The following RPS6KA3 variants were observed in gnomAD, a reference collection of about 807,000 sequenced individuals.
RPS6KA3 encodes the protein ribosomal protein S6 kinase alpha-3.
RPS6KA3 carries 4 observed loss-of-function variants against 67.2 expected under a neutral mutation model. The ratio of observed to expected loss-of-function variants is 0.06; its 90% CI spans 0.03 to 0.14. RPS6KA3 has a LOEUF of 0.14. Ranked by LOEUF, RPS6KA3 falls within the 10% of genes least tolerant of loss-of-function variation. RPS6KA3 has a pLI of 1.00. For synonymous variants in RPS6KA3, 182 were observed against 183.7 expected (o/e 0.99, Z 0.07); for missense variants, 204 against 559.0 (o/e 0.36, Z 6.40).
At chrX:20,266,992 C>T (rs1233570054), upstream of RPS6KA3, 2 of 751,869 alleles carry the variant, frequency 2.7e-6, no homozygotes, top group Non-Finnish European at 3.1e-6. Flanking sequence ...ACAGCGACCG[C>T]CGCGCGCTCC....
At chrX:20,198,491 A>AACTT (rs1177932182) in intron 4 of RPS6KA3, among the ~76,000 whole-genome samples, 1 of 112,236 alleles carries the variant, frequency 8.9e-6, no homozygotes, top group Non-Finnish European at 1.9e-5. Context: ...AACAGAAGAT[A>AACTT]ACTTAAACAC....
At chrX:20,186,046 TCTCCCAC>T (rs2067972382) in intron 10 of RPS6KA3, among the ~76,000 whole-genome samples, 1 of 111,044 alleles carries the variant, frequency 9.0e-6, no homozygotes, top group South Asian at 3.8e-4. Flanking sequence ...TTCAAGGGAT[TCTCCCAC>T]CTCAGCCTCC....
At chrX:20,236,227 A>G (rs987322821) in intron 1 of RPS6KA3, among the ~76,000 whole-genome samples, 1 of 111,980 alleles carries the variant, frequency 8.9e-6, no homozygotes, top group Non-Finnish European at 1.9e-5. Context: ...GCTTATTTGA[A>G]TATTCTAATG....
intron 2 of RPS6KA3, among the ~76,000 whole-genome samples, chrX:20,221,967 G>A (rs925616062): frequency 2.7e-5 from 3 of 112,790 alleles, no homozygotes; most frequent in Non-Finnish European, 5.6e-5. Flanking sequence ...ACTACAGCCA[G>A]GCCTGGCCAG....
intron 18 of RPS6KA3, among the ~76,000 whole-genome samples, chrX:20,163,809 C>T (rs1319146911): frequency 1.8e-5 from 2 of 111,303 alleles, no homozygotes; most frequent in African/African-American, 6.5e-5. Context: ...GCTGGGATTA[C>T]AGGCATGTGC....
chrX:20,166,713 CTTT>C (rs774405280), intron 17 of RPS6KA3, among the ~76,000 whole-genome samples: 1 of 81,385 alleles, frequency 1.2e-5, no homozygotes, highest in African/African-American at 5.2e-5. Flanking sequence ...GACTTCCCTT[CTTT>C]TTTTTTTTTT....
At chrX:20,194,911 C>G (rs1046194175) in intron 5 of RPS6KA3, among the ~76,000 whole-genome samples, 154 bp downstream of exon 5, 2 of 110,952 alleles carry the variant, frequency 1.8e-5, no homozygotes, top group Non-Finnish European at 3.8e-5. Context: ...TAAAGTTTGT[C>G]TAAGAAATAA....
intron 1 of RPS6KA3, among the ~76,000 whole-genome samples, chrX:20,240,285 CTTTTTTTTTTTT>C (rs778713587): frequency 1.7e-4 from 9 of 54,364 alleles, no homozygotes; most frequent in Admixed American, 8.9e-4. Context: ...AAGGACCATA[CTTTTTTTTTTTT>C]TTTTTTTTTT....
chrX:20,169,685 A>T, intron 15 of RPS6KA3, 194 bp from the exon 16 acceptor site: 1 of 489,355 alleles, frequency 2.0e-6, no homozygotes, highest in Non-Finnish European at 3.7e-6. Flanking sequence ...GCAAGGCTGT[A>T]AATTCTAACT....
intron 13 of RPS6KA3, among the ~76,000 whole-genome samples, chrX:20,175,761 C>T (rs778967901): frequency 8.9e-6 from 1 of 111,829 alleles, no homozygotes; most frequent in African/African-American, 3.2e-5. Flanking sequence ...ATATTAGAAA[C>T]TGCAGCCCTC....
chrX:20,155,021 T>C lies in RPS6KA3; in HGVS notation c.*377A>G. The C allele has an allele frequency of 4.1e-6, 1 of 243,743 alleles. No homozygotes were observed. The highest frequency in any genetic ancestry group is 4.7e-5 in the South Asian group (1 of 21,303). The allele number at this position is 243,743 out of a possible 1,213,427, so 20.1% of individuals were successfully genotyped here. ...TTTAAGCTAAGTGCTTAACATAAAC[T>C]GTCCATCCCTATAACTAACAAAGAA... is the stretch of plus-strand genomic sequence containing the variant. On this transcript the variant is annotated 3_prime_UTR_variant, in exon 22 of 22. Transcript: ENST00000379565.
chrX:20,166,713 CTTTTT>C (rs774405280), intron 17 of RPS6KA3, among the ~76,000 whole-genome samples: 26 of 81,410 alleles, frequency 3.2e-4, no homozygotes, highest in Non-Finnish European at 5.5e-4. Flanking sequence ...GACTTCCCTT[CTTTTT>C]TTTTTTTTTT....
chrX:20,191,091 A>G (rs1004477613), intron 7 of RPS6KA3, among the ~76,000 whole-genome samples: 1 of 109,562 alleles, frequency 9.1e-6, no homozygotes, highest in African/African-American at 3.3e-5. Flanking sequence ...TCATTGTTCA[A>G]CTCCCACTTA....
intron 13 of RPS6KA3, 43 bp downstream of exon 13, chrX:20,176,206 CA>C (rs1308990196): frequency 1.2e-6 from 1 of 858,175 alleles, no homozygotes; most frequent in Non-Finnish European, 1.7e-6. Context: ...AAGAAAAAAA[CA>C]TATTTGTTGT....
intron 2 of RPS6KA3, among the ~76,000 whole-genome samples, chrX:20,213,226 C>A (rs937947562): frequency 4.5e-5 from 5 of 111,856 alleles, no homozygotes. Context: ...TGGTAATAAA[C>A]AGTGGCAGAA....
intron 1 of RPS6KA3, among the ~76,000 whole-genome samples, chrX:20,256,022 A>G (rs1182855402): frequency 1.9e-5 from 2 of 104,759 alleles, no homozygotes; most frequent in East Asian, 5.9e-4. Context: ...AGGCAGGAGA[A>G]TAACTTGAAC....
intron 1 of RPS6KA3, among the ~76,000 whole-genome samples, chrX:20,242,155 A>G (rs1396113711): frequency 1.8e-5 from 2 of 112,067 alleles, no homozygotes; most frequent in African/African-American, 3.2e-5. Context: ...CAGAAAGTTC[A>G]AAGTAGGATT....
chrX:20,243,807 T>C (rs978221510), intron 1 of RPS6KA3, among the ~76,000 whole-genome samples: 1 of 111,554 alleles, frequency 9.0e-6, no homozygotes, highest in African/African-American at 3.3e-5. Context: ...AAACCCCTAC[T>C]CTTAATCACA....
chrX:20,161,134 C>T, intron 20 of RPS6KA3, among the ~76,000 whole-genome samples: 1 of 111,694 alleles, frequency 9.0e-6, no homozygotes, highest in East Asian at 2.8e-4. Context: ...AACCGAAACC[C>T]CTTTCTTCAT....
Sources: gnomAD v4.1 joint callset for allele counts (sites outside exome capture counted in the v4.1 genomes callset) on GRCh38, gnomAD v4.1.1 for gene constraint, MANE v1.5 for transcripts, NCBI Gene and HGNC (gene_info 2026-07-23, HGNC 2026-07-21) for gene names.